WDR5: variants seen among roughly 807,000 people sequenced by gnomAD.
WDR5 encodes WD repeat-containing protein 5.
For synonymous variants in WDR5, 144 were observed against 161.6 expected (o/e 0.89, Z 0.83); for missense variants, 187 against 416.9 (o/e 0.45, Z 4.80).
In WDR5 at chr9:134,136,109, C is replaced by T. The variant is rs1327841796; in HGVS notation, c.-150C>T. ...CCCCGCCGCCTGGCGCCCGCCCGAGCTGCCGCCTTGTCGAGCTGAGTCCGC... is the reference window on the plus strand; with the variant it reads ...CCCCGCCGCCTGGCGCCCGCCCGAGTTGCCGCCTTGTCGAGCTGAGTCCGC... On this transcript the variant is annotated 5_prime_UTR_variant, in exon 1 of 14. Coordinates refer to ENST00000358625, the MANE Select transcript of WDR5 (RefSeq NM_017588.3). 4.7e-5 allele frequency: 7 copies of T among 149,188 alleles called. No homozygotes were observed. Among genetic ancestry groups the T allele is most frequent in the Admixed American group, 4.7e-4 (7 of 15,010 alleles). 9.2% of individuals were successfully genotyped at this position (149,188 alleles called of 1,614,324 possible).
At chr9:134,156,949 T>G (rs1362225947) in intron 13 of WDR5, among the ~76,000 whole-genome samples, 1 of 152,204 alleles carries the variant, frequency 6.6e-6, no homozygotes, top group African/African-American at 2.4e-5. Context: ...TGCCCCATCC[T>G]GGAGGCTCTG....
chr9:134,154,562 TG>T (rs1189325877), intron 10 of WDR5, 21 bp downstream of exon 10: 8 of 1,613,306 alleles, frequency 5.0e-6, no homozygotes, highest in African/African-American at 2.7e-5. Context: ...CGTGGGACTG[TG>T]GGGGCGGGCA....
chr9:134,148,021 G>A (rs35419030), intron 7 of WDR5, among the ~76,000 whole-genome samples: 1,630 of 152,030 alleles, frequency 0.011, 18 homozygotes, highest in Middle Eastern at 0.024. Flanking sequence ...AAATTAGCTG[G>A]GCGTGGTGGT....
rs1225593294 is a variant in WDR5 at position 134,138,023 on chromosome 9, T to G, written c.-58-1797T>G. Among the ~76,000 whole-genome samples the G allele has an allele frequency of 7.9e-5, 12 of 152,354 alleles. No individual in the cohort carries two copies. In the East Asian group the frequency reaches 2.1e-3, roughly 27 times the overall value. On this transcript the variant is annotated intron_variant, in intron 1 of 13. Coordinates refer to ENST00000358625, the MANE Select transcript of WDR5 (RefSeq NM_017588.3). ...TCCCAAAGTGCTGAGATTACAGGCG[T>G]CAGCCACTGTGCCCAGCCATCATAT...
At chr9:134,156,638 A>C (rs1347732626) in intron 13 of WDR5, 45 bp downstream of exon 13, 1 of 1,597,518 alleles carries the variant, frequency 6.3e-7, no homozygotes, top group South Asian at 1.1e-5. Flanking sequence ...TGTTGATGTG[A>C]GGACAGTTCC....
chr9:134,148,620 C>G (rs141210033), intron 8 of WDR5, among the ~76,000 whole-genome samples: 1 of 152,040 alleles, frequency 6.6e-6, no homozygotes. Context: ...TCCGTGTAGA[C>G]GCTGACGTGT....
At chr9:134,148,211 TGAGA>T in intron 7 of WDR5, 73 bp from the exon 8 acceptor site, 4 of 290,354 alleles carry the variant, frequency 1.4e-5, no homozygotes, top group Non-Finnish European at 1.9e-5. Context: ...TTTTTTTTTT[TGAGA>T]TCAGGTAAGA....
intron 8 of WDR5, among the ~76,000 whole-genome samples, 166 bp from the exon 9 acceptor site, chr9:134,151,817 C>T (rs1309329103): frequency 1.3e-5 from 2 of 152,136 alleles, no homozygotes; most frequent in Admixed American, 6.5e-5. Flanking sequence ...AGTGTTTAGT[C>T]TTTGTCCCTA....
intron 7 of WDR5, among the ~76,000 whole-genome samples, chr9:134,144,157 G>T (rs1296827968): frequency 2.0e-5 from 3 of 152,258 alleles, no homozygotes; most frequent in Non-Finnish European, 2.9e-5. Flanking sequence ...CCTGGGCGGG[G>T]CTGCGGGGTC....
At chr9:134,140,289 A>G (rs1252490677) in intron 2 of WDR5, among the ~76,000 whole-genome samples, 1 of 152,144 alleles carries the variant, frequency 6.6e-6, no homozygotes, top group Non-Finnish European at 1.5e-5. Context: ...GCCCTCCCGT[A>G]GACCTTTAGC....
upstream of WDR5, chr9:134,135,976 G>C (rs957162365): frequency 7.2e-5 from 11 of 152,176 alleles, no homozygotes; most frequent in African/African-American, 2.6e-4. Context: ...CCGGCCCGAG[G>C]CATTCTGGCC....
chr9:134,142,175 C>T (rs921049703), intron 5 of WDR5, 137 bp downstream of exon 5: 320 of 134,208 alleles, frequency 2.4e-3, no homozygotes, highest in African/African-American at 3.9e-3. Flanking sequence ...GGGCATGGGG[C>T]GGGGGTGGGT....
chr9:134,159,445 AGG>A lies in WDR5; in HGVS notation c.*1454_*1455del, dbSNP rs1391422699. 6.6e-6 allele frequency: 1 copy of A among 152,304 alleles called. No individual in the cohort carries two copies. The highest frequency in any genetic ancestry group is 1.5e-5 in the Non-Finnish European group (1 of 68,180). The allele number at this position is 152,304 out of a possible 1,614,324, so 9.4% of individuals were successfully genotyped here. ...GAGCTCAGCCAGCTCTGCCTTTCTC[AGG>A]GCCTGGAGTCCTGGATGAATCCTGC... On this transcript the variant is annotated 3_prime_UTR_variant, in exon 14 of 14. Transcript: ENST00000358625. This position sits in a 1 kb window ranked among gnomAD's most constrained non-coding sequence, Gnocchi z 4.3.
chr9:134,152,952 T>C (rs1408125949), intron 9 of WDR5, among the ~76,000 whole-genome samples: 1 of 152,230 alleles, frequency 6.6e-6, no homozygotes, highest in Non-Finnish European at 1.5e-5. Context: ...GACACCACCC[T>C]TGGGCCTCAT....
chr9:134,151,787 CTG>C (rs1220740802), intron 8 of WDR5, among the ~76,000 whole-genome samples, 194 bp from the exon 9 acceptor site: 3 of 152,022 alleles, frequency 2.0e-5, no homozygotes, highest in African/African-American at 7.3e-5. Context: ...CATGTGTGGA[CTG>C]TTGATGTTTG....
Position 134,158,052 on chromosome 9 carries a change from C to A in WDR5, c.*59C>A. The A allele has an allele frequency of 6.5e-7, 1 of 1,528,862 alleles. No homozygotes were observed. Among genetic ancestry groups the A allele is most frequent in the Non-Finnish European group, 9.1e-7 (1 of 1,104,620 alleles). 94.7% of individuals were successfully genotyped at this position (1,528,862 alleles called of 1,614,324 possible). A position where few individuals can be genotyped will look rare whatever the true frequency, so the allele number is the denominator to read the frequency against. On this transcript the variant is annotated 3_prime_UTR_variant, in exon 14 of 14. Transcript: ENST00000358625. The stretch of plus-strand genomic sequence containing the variant: ...GAAGTTGACCCGGATTGGCAAGAAA[C>A]AGGGTGTCTTGGAGGTGGTCCCCCA...
In WDR5 at chr9:134,142,776, G is replaced by A. The variant is rs1831961095; in HGVS notation, c.528+57G>A. 5 of 1,568,096 alleles carry A rather than the reference G, an allele frequency of 3.2e-6. No individual in the cohort carries two copies. The South Asian group carries it at 4.4e-5, about 14-fold the overall frequency. On this transcript the variant is annotated intron_variant, in intron 7 of 13. Transcript: ENST00000358625. ...CCAGCACTACGTTTCTCTGACATCG[G>A]ATGTGGCCAGCTGTCTCCCTGAGGG...
At position 134,158,145 on chromosome 9, in the gene WDR5, G is replaced by A. The variant is rs1318255894; in HGVS notation, c.*152G>A. On this transcript the variant is annotated 3_prime_UTR_variant, in exon 14 of 14. Transcript: ENST00000358625. ...CTCTCTGAAGATGATTTGGCCGAGC[G>A]GAAGGTGTGGACCACCGGAAAGTTC... 10 of 654,032 alleles carry A rather than the reference G, an allele frequency of 1.5e-5. No individual in the cohort carries two copies. Among genetic ancestry groups the A allele is most frequent in the East Asian group, 8.3e-5 (3 of 36,244 alleles). 40.5% of individuals were successfully genotyped at this position (654,032 alleles called of 1,614,324 possible). A position where few individuals can be genotyped will look rare whatever the true frequency, so the allele number is the denominator to read the frequency against.
Position 134,157,844 on chromosome 9 carries a change from G to A in WDR5, c.905-49G>A, listed in dbSNP as rs764285828. The stretch of plus-strand genomic sequence containing the variant: ...GAGCTCAGTCTGGGATGGCGTCCCC[G>A]ACCCAGGCGCAGGGATGGCTCTGGT... On this transcript the variant is annotated intron_variant, in intron 13 of 13. Transcript: ENST00000358625. The surrounding 1 kb of genome is among the most constrained non-coding windows in gnomAD (Gnocchi z 5.0). 10 of 1,587,064 alleles carry A rather than the reference G, an allele frequency of 6.3e-6. No homozygotes were observed. The highest frequency in any genetic ancestry group is 8.6e-6 in the Non-Finnish European group (10 of 1,156,568).
Sources: gnomAD v4.1 joint callset for allele counts (sites outside exome capture counted in the v4.1 genomes callset) on GRCh38, gnomAD v4.1.1 for gene constraint, Gnocchi (gnomAD v3.1) non-coding constraint, MANE v1.5 for transcripts, NCBI Gene and HGNC (gene_info 2026-07-23, HGNC 2026-07-21) for gene names.